Variants in EDIL3 observed in about 807,000 individuals in gnomAD.
The protein encoded by EDIL3 is EGF like and discoidin domains 3.
In EDIL3, 37 loss-of-function variants were observed where a neutral mutation model predicts 67.4. The observed-to-expected ratio is 0.55, with a 90% CI of 0.42 to 0.72. EDIL3 has a LOEUF of 0.72. Ranked by LOEUF, EDIL3 falls within the 30% of genes least tolerant of loss-of-function variation. The probability of loss-of-function intolerance (pLI) is 0.00; values close to 1 mark genes in which losing one functional copy is unlikely to be tolerated. For synonymous variants in EDIL3, 195 were observed against 196.3 expected (o/e 0.99, Z 0.05); for missense variants, 527 against 586.3 (o/e 0.90, Z 1.04).
intron 5 of EDIL3, among the ~76,000 whole-genome samples, chr5:84,130,056 C>A (rs546909491): frequency 1.3e-5 from 2 of 152,080 alleles, no homozygotes; most frequent in African/African-American, 2.4e-5. Flanking sequence ...ATTTATTCAT[C>A]ATTTTCTTTG....
intron 9 of EDIL3, among the ~76,000 whole-genome samples, chr5:83,967,213 T>C (rs1052763270): frequency 2.0e-5 from 3 of 151,984 alleles, no homozygotes; most frequent in Non-Finnish European, 4.4e-5. Context: ...CCCAGCTACT[T>C]GGGAGGTTGA....
intron 1 of EDIL3, among the ~76,000 whole-genome samples, chr5:84,311,936 T>TG (rs954249188): frequency 5.4e-4 from 82 of 152,302 alleles, no homozygotes; most frequent in African/African-American, 1.9e-3. Flanking sequence ...CAGAACAAAA[T>TG]GAAAAGTCTC....
chr5:83,950,764 C>T (rs1214069484), intron 10 of EDIL3, among the ~76,000 whole-genome samples: 1 of 151,738 alleles, frequency 6.6e-6, no homozygotes, highest in Non-Finnish European at 1.5e-5. Context: ...AACAAAAAAT[C>T]CAACTTCTTT....
At chr5:84,340,526 CTCTCTCTCTATATATATATATA>C (rs1561262446) in intron 1 of EDIL3, among the ~76,000 whole-genome samples, 2 of 72,396 alleles carry the variant, frequency 2.8e-5, no homozygotes, top group African/African-American at 8.6e-5. Flanking sequence ...CTCTCTCTCT[CTCTCTCTCTATATATATATATA>C]TATATATATA....
At chr5:84,279,353 G>A (rs1745651121) in intron 1 of EDIL3, among the ~76,000 whole-genome samples, 1 of 152,134 alleles carries the variant, frequency 6.6e-6, no homozygotes, top group Non-Finnish European at 1.5e-5. Context: ...GCTAAAAACT[G>A]TTTACTTATA....
At chr5:84,117,721 T>A (rs1434434504) in intron 5 of EDIL3, among the ~76,000 whole-genome samples, 6 of 150,900 alleles carry the variant, frequency 4.0e-5, no homozygotes, top group Non-Finnish European at 8.9e-5. Context: ...GACTTAATAC[T>A]TTTTTTTTCA....
intron 10 of EDIL3, among the ~76,000 whole-genome samples, chr5:83,951,028 GC>G (rs1005903919): frequency 4.6e-5 from 7 of 151,602 alleles, no homozygotes; most frequent in Non-Finnish European, 8.9e-5. Flanking sequence ...GACCCTGTTT[GC>G]TTCAGAGACT....
intron 1 of EDIL3, among the ~76,000 whole-genome samples, chr5:84,357,393 T>C (rs149146788): frequency 1.7e-4 from 26 of 152,306 alleles, no homozygotes; most frequent in Non-Finnish European, 2.5e-4. Flanking sequence ...ATACTATGAA[T>C]ATATGGACCT....
chr5:84,118,893 T>G (rs934380000), intron 5 of EDIL3, among the ~76,000 whole-genome samples: 1 of 152,116 alleles, frequency 6.6e-6, no homozygotes, highest in African/African-American at 2.4e-5. Context: ...ATATATATTT[T>G]TAAAGTTCTC....
chr5:84,249,950 T>TAG (rs1205645550), intron 2 of EDIL3, among the ~76,000 whole-genome samples: 1 of 151,850 alleles, frequency 6.6e-6, no homozygotes, highest in African/African-American at 2.4e-5. Context: ...TATATATATA[T>TAG]AGAGAGAGAG....
chr5:84,092,115 A>C (rs944856974), intron 6 of EDIL3, among the ~76,000 whole-genome samples: 5 of 152,142 alleles, frequency 3.3e-5, no homozygotes, highest in Non-Finnish European at 1.5e-5. Flanking sequence ...ATGTGAAGAG[A>C]TATCAAGACG....
At chr5:84,057,157 C>T (rs1484942760) in intron 9 of EDIL3, among the ~76,000 whole-genome samples, 1 of 152,044 alleles carries the variant, frequency 6.6e-6, no homozygotes, top group East Asian at 1.9e-4. Context: ...AGAACTACTC[C>T]TTGAATTAAC....
At chr5:84,011,977 G>C (rs1301467965) in intron 9 of EDIL3, among the ~76,000 whole-genome samples, 1 of 152,066 alleles carries the variant, frequency 6.6e-6, no homozygotes, top group African/African-American at 2.4e-5. Context: ...TTCTCCACTA[G>C]ATTATAAATT....
At chr5:84,301,338 T>A in intron 1 of EDIL3, among the ~76,000 whole-genome samples, 1 of 148,362 alleles carries the variant, frequency 6.7e-6, no homozygotes, top group Non-Finnish European at 1.5e-5. Context: ...AAAAAAAAAG[T>A]CAAATGCAAA....
chr5:84,267,755 A>C (rs1745379240), intron 1 of EDIL3, among the ~76,000 whole-genome samples: 2 of 152,240 alleles, frequency 1.3e-5, no homozygotes, highest in Admixed American at 1.3e-4. Context: ...ATGACAATAA[A>C]CAATCACATG....
intron 4 of EDIL3, among the ~76,000 whole-genome samples, chr5:84,166,304 G>A (rs752942935): frequency 6.6e-6 from 1 of 152,076 alleles, no homozygotes; most frequent in Non-Finnish European, 1.5e-5. Context: ...AATTTTATAA[G>A]CTCTTAAAGA....
chr5:84,208,406 G>T (rs1348003556), intron 3 of EDIL3, among the ~76,000 whole-genome samples: 1 of 151,930 alleles, frequency 6.6e-6, no homozygotes, highest in African/African-American at 2.4e-5. Flanking sequence ...CAGGCCAGGC[G>T]CGGTGGCTCA....
rs190472669 is a variant in EDIL3, at chr5:84,148,033, T to C, written c.356-10679A>G. 8.5e-4 allele frequency among the ~76,000 whole-genome samples: 130 copies of C among 152,242 alleles called. 2 individuals carry two copies. The highest frequency in any genetic ancestry group is 3.0e-3 in the African/African-American group (125 of 41,562). ...TAAATGAGATTTCTAAATTATCTTATACTTCTAAAGCTATTGTAAGGATTA... is the reference window on the plus strand; with the variant it reads ...TAAATGAGATTTCTAAATTATCTTACACTTCTAAAGCTATTGTAAGGATTA... On this transcript the variant is annotated intron_variant, in intron 4 of 10. Coordinates refer to ENST00000296591, the MANE Select transcript of EDIL3 (RefSeq NM_005711.5).
intron 1 of EDIL3, among the ~76,000 whole-genome samples, chr5:84,281,488 T>C (rs1745701945): frequency 6.6e-6 from 1 of 152,234 alleles, no homozygotes; most frequent in Non-Finnish European, 1.5e-5. Flanking sequence ...CCTAATGCCA[T>C]AATCCACATG....
Sources: gnomAD v4.1 joint callset for allele counts (sites outside exome capture counted in the v4.1 genomes callset) on GRCh38, gnomAD v4.1.1 for gene constraint, MANE v1.5 for transcripts, NCBI Gene and HGNC (gene_info 2026-07-23, HGNC 2026-07-21) for gene names.